KTN1: variants seen among roughly 807,000 people sequenced by gnomAD.
The protein encoded by KTN1 is kinectin 1.
Under a neutral mutation model 222.5 loss-of-function variants are expected in KTN1, and 130 were observed. That is an observed-to-expected ratio of 0.58 (90% CI 0.51 to 0.68). The LOEUF (loss-of-function observed/expected upper bound fraction) is 0.68, where lower values mean the gene tolerates loss of function less well. Among genes scored for constraint, KTN1 ranks in the 30% least tolerant of loss-of-function variants. The pLI, the probability that KTN1 is intolerant of heterozygous loss-of-function variation, is 0.00. For missense variants in KTN1, 1,508 were observed against 1,500.4 expected (o/e 1.01, Z -0.08); for synonymous variants, 512 against 496.3 (o/e 1.03, Z -0.42).
At chr14:55,625,423 C>A (rs940065041) in intron 5 of KTN1, among the ~76,000 whole-genome samples, 4 of 152,146 alleles carry the variant, frequency 2.6e-5, no homozygotes, top group African/African-American at 4.8e-5. Context: ...GCAGGAGGAA[C>A]TACTGTTATA....
Position 55,641,105 on chromosome 14 carries a change from ATTT to A in KTN1, c.2022-14_2022-12del. On this transcript the variant is annotated intron_variant, in intron 16 of 43. Transcript: ENST00000395314. ...TTTTCTGAATGTATGAAGTATTTTA[ATTT>A]TTTTTTTCACCCTCATAGTGTTTAT... The A allele has an allele frequency of 6.9e-7, 1 of 1,447,268 alleles. No individual in the cohort carries two copies. The highest frequency in any genetic ancestry group is 9.5e-7 in the Non-Finnish European group (1 of 1,058,110). 89.7% of individuals were successfully genotyped at this position (1,447,268 alleles called of 1,614,324 possible). A position where few individuals can be genotyped will look rare whatever the true frequency, so the allele number is the denominator to read the frequency against.
In KTN1 at chr14:55,630,013, A is replaced by G. The variant is rs2274075; in HGVS notation, c.1137A>G (p.Arg379=). Residue 379 remains arginine, a synonymous_variant, in exon 7 of 44, where the codon CGA becomes CGG. Transcript: ENST00000395314. ...SNVVITRMKD[R]IGTLEKEHNV... ...TGGTTATAACAAGGATGAAAGATCG[A>G]ATTGGAACATTAGAAAAGGAACATA... The G allele has an allele frequency of 0.088, 140,115 of 1,599,826 alleles. 6,437 individuals are homozygous for G. Among genetic ancestry groups the G allele is most frequent in the South Asian group, 0.1 (9,463 of 90,714 alleles).
At chr14:55,674,611 T>A (rs556985618) in intron 40 of KTN1, 1 of 152,296 alleles carries the variant, frequency 6.6e-6, no homozygotes, top group South Asian at 2.1e-4. Context: ...CACTCTATGT[T>A]TTTAAAAAAT....
At chr14:55,668,159 C>G (rs1159050984) in intron 34 of KTN1, 1 of 152,070 alleles carries the variant, frequency 6.6e-6, no homozygotes, top group East Asian at 1.9e-4. Context: ...TGTGATATTA[C>G]ACTTAAAAAT....
At chr14:55,603,109 A>C (rs931910587) in intron 1 of KTN1, among the ~76,000 whole-genome samples, 1 of 151,870 alleles carries the variant, frequency 6.6e-6, no homozygotes, top group Non-Finnish European at 1.5e-5. Flanking sequence ...TTTTCTTGCT[A>C]TTTGAAAACA....
rs1323179620 is a variant in KTN1, at chr14:55,580,526, C to T, written c.-31+172C>T. Among the ~76,000 whole-genome samples the T allele has an allele frequency of 2.0e-5, 3 of 149,638 alleles. 1 individual carries two copies. In the South Asian group the frequency reaches 6.2e-4, roughly 31 times the overall value. ...TAGGCCTCGGGCATCCGGTTGCCGCCGCGGGGCTCTTGTTGGGGCCGGGAC... is the reference window on the plus strand; with the variant it reads ...TAGGCCTCGGGCATCCGGTTGCCGCTGCGGGGCTCTTGTTGGGGCCGGGAC... On this transcript the variant is annotated intron_variant, in intron 1 of 43. Transcript: ENST00000395314.
At chr14:55,654,145 GA>G (rs2043213428) in intron 28 of KTN1, among the ~76,000 whole-genome samples, 1 of 152,016 alleles carries the variant, frequency 6.6e-6, no homozygotes, top group Non-Finnish European at 1.5e-5. Flanking sequence ...TTTTATTCTA[GA>G]GAGTCTGTTG....
chr14:55,635,536 C>T (rs954568920), intron 9 of KTN1, among the ~76,000 whole-genome samples: 8 of 152,142 alleles, frequency 5.3e-5, no homozygotes, highest in East Asian at 1.9e-4. Flanking sequence ...TATCTTTAGA[C>T]GCCAGAGTGT....
intron 7 of KTN1, among the ~76,000 whole-genome samples, chr14:55,632,883 T>C (rs2040694628): frequency 6.6e-6 from 1 of 152,188 alleles, no homozygotes; most frequent in Non-Finnish European, 1.5e-5. Flanking sequence ...AATGTATAAT[T>C]GACATAAGAT....
At position 55,661,256 on chromosome 14, in the gene KTN1, A is replaced by T. The variant is rs45582432; in HGVS notation, c.3000-266A>T. ...AATAGCTACAACAGTTCATATCTTC[A>T]TAATATGTTTCTTAGGGGATGAGAT... On this transcript the variant is annotated intron_variant, in intron 31 of 43. Transcript: ENST00000395314. The T allele has an allele frequency of 3.9e-3, 1,059 of 273,490 alleles. 6 individuals are homozygous for T. Among genetic ancestry groups the T allele is most frequent in the Non-Finnish European group, 5.6e-3 (828 of 147,532 alleles). The allele number at this position is 273,490 out of a possible 1,614,324, so 16.9% of individuals were successfully genotyped here.
rs1247231777 is a variant in KTN1, at chr14:55,650,289, T to G, written c.2406-39T>G. On this transcript the variant is annotated intron_variant, in intron 22 of 43. Coordinates refer to ENST00000395314, the MANE Select transcript of KTN1 (RefSeq NM_001079521.2). ...ATTTTTATATCTTGGTGGGTCTTGG[T>G]GATTTCTAATCAAATTATACTGCAT... is the stretch of plus-strand genomic sequence containing the variant. 6 of 1,363,162 alleles carry G rather than the reference T, an allele frequency of 4.4e-6. No homozygotes were observed. The African/African-American group carries it at 7.3e-5, about 17-fold the overall frequency. 84.4% of individuals were successfully genotyped at this position (1,363,162 alleles called of 1,614,324 possible).
chr14:55,669,681 T>C (rs1189178443), intron 34 of KTN1, among the ~76,000 whole-genome samples: 1 of 152,064 alleles, frequency 6.6e-6, no homozygotes, highest in East Asian at 1.9e-4. Flanking sequence ...TGGGTACCAA[T>C]AGTTGAAACT....
At chr14:55,681,292 C>T (rs1415018665) in intron 43 of KTN1, 4 of 152,572 alleles carry the variant, frequency 2.6e-5, no homozygotes, top group Non-Finnish European at 5.9e-5. Context: ...TGACATTAGA[C>T]CTTTGTCTTA....
chr14:55,666,302 G>A (rs532635174), intron 33 of KTN1, among the ~76,000 whole-genome samples: 11 of 152,046 alleles, frequency 7.2e-5, no homozygotes, highest in African/African-American at 2.4e-4. Context: ...AATGTTGGGG[G>A]AAAGATATGG....
At chr14:55,592,939 TC>T (rs2034390100) in intron 1 of KTN1, among the ~76,000 whole-genome samples, 5 of 152,206 alleles carry the variant, frequency 3.3e-5, no homozygotes, top group Admixed American at 2.0e-4. Context: ...GCTAGACCTG[TC>T]TTGGAGGCTA....
intron 31 of KTN1, among the ~76,000 whole-genome samples, chr14:55,660,057 G>A (rs1236971432): frequency 1.3e-5 from 2 of 152,124 alleles, no homozygotes; most frequent in Non-Finnish European, 2.9e-5. Flanking sequence ...GTAATTGAAT[G>A]ATGCAAATTT....
intron 1 of KTN1, among the ~76,000 whole-genome samples, chr14:55,611,661 A>C (rs1189487499): frequency 6.6e-6 from 1 of 152,198 alleles, no homozygotes. Context: ...GTAGTTATCA[A>C]CACTGTACAA....
chr14:55,680,558 T>C (rs114967216), intron 43 of KTN1: 5,412 of 536,626 alleles, frequency 0.01, 70 homozygotes, highest in African/African-American at 0.038. Context: ...ATCACTGAAT[T>C]ATCCCTTTCA....
At chr14:55,650,699 AT>A (rs1165763191) in intron 24 of KTN1, 62 bp downstream of exon 24, 9 of 1,279,576 alleles carry the variant, frequency 7.0e-6, no homozygotes, top group South Asian at 1.3e-5. Flanking sequence ...GAGCTATTTG[AT>A]TTTTTTTCTT....
Sources: gnomAD v4.1 joint callset for allele counts (sites outside exome capture counted in the v4.1 genomes callset) on GRCh38, gnomAD v4.1.1 for gene constraint, MANE v1.5 for transcripts, NCBI Gene and HGNC (gene_info 2026-07-23, HGNC 2026-07-21) for gene names.